Variants in DENND1B observed in about 807,000 individuals in gnomAD.
DENND1B encodes the protein DENN domain containing 1B.
DENND1B carries 59 observed loss-of-function variants against 90.1 expected under a neutral mutation model. The ratio of observed to expected loss-of-function variants is 0.65; its 90% CI spans 0.53 to 0.81. The LOEUF (loss-of-function observed/expected upper bound fraction) is 0.81. DENND1B is among the 40% of genes least tolerant of loss of function. The pLI is 0.00. For missense variants in DENND1B, 862 were observed against 912.6 expected (o/e 0.94, Z 0.71); for synonymous variants, 337 against 324.6 (o/e 1.04, Z -0.41).
At chr1:197,587,351 AC>A (rs1674791797) in intron 14 of DENND1B, among the ~76,000 whole-genome samples, 1 of 152,234 alleles carries the variant, frequency 6.6e-6, no homozygotes, top group African/African-American at 2.4e-5. Flanking sequence ...GATAATTCTG[AC>A]ATGAGAGAAA....
In DENND1B at chr1:197,621,119, G is replaced by A. The variant is rs73075669; in HGVS notation, c.673-3360C>T. Among the ~76,000 whole-genome samples, 84 of 151,382 alleles carry A rather than the reference G, an allele frequency of 5.5e-4. 1 individual carries two copies. The highest frequency in any genetic ancestry group is 1.9e-3 in the African/African-American group (78 of 41,432). On this transcript the variant is annotated intron_variant, in intron 10 of 22. Transcript: ENST00000620048. ...AGTGAGATCAGACTGGAGGAAGTGG[G>A]AGAATGGCAGGAGATGAGGTCAGAT...
At chr1:197,625,900 C>T (rs1457861381) in intron 10 of DENND1B, among the ~76,000 whole-genome samples, 2 of 152,004 alleles carry the variant, frequency 1.3e-5, no homozygotes, top group African/African-American at 2.4e-5. Context: ...TACTTTAAAC[C>T]AACAGAGATC....
rs541362093 is a variant in DENND1B, at chr1:197,646,510, T to G, written c.507+545A>C. On this transcript the variant is annotated intron_variant, in intron 8 of 22. Coordinates refer to ENST00000620048, the MANE Select transcript of DENND1B (RefSeq NM_001195215.2). Reference sequence around the variant, plus strand: ...CAAAGTGCAATTTAATCATCAAAAGTTTTATTTTCTGTTCATATTAATCTC... The same window carrying G: ...CAAAGTGCAATTTAATCATCAAAAGGTTTATTTTCTGTTCATATTAATCTC... 5.3e-5 allele frequency among the ~76,000 whole-genome samples: 8 copies of G among 151,840 alleles called. No individual in the cohort carries two copies. The East Asian group carries it at 9.6e-4, about 18-fold the overall frequency.
chr1:197,698,436 C>T (rs111773970), intron 3 of DENND1B, among the ~76,000 whole-genome samples: 108 of 152,146 alleles, frequency 7.1e-4, no homozygotes, highest in African/African-American at 2.5e-3. Flanking sequence ...AAATTTATAG[C>T]ACTAAATGGC....
intron 3 of DENND1B, among the ~76,000 whole-genome samples, chr1:197,699,455 C>G (rs1403989225): frequency 6.6e-6 from 1 of 151,974 alleles, no homozygotes; most frequent in Admixed American, 6.6e-5. Context: ...GCTAATATCA[C>G]TGAATGGGCA....
chr1:197,727,534 C>CAAAAAA (rs371522158), intron 2 of DENND1B, among the ~76,000 whole-genome samples: 1 of 110,378 alleles, frequency 9.1e-6, no homozygotes, highest in Non-Finnish European at 1.9e-5. Flanking sequence ...GACTCCTTCT[C>CAAAAAA]AAAAAAAAAA....
chr1:197,537,808 AG>A (rs1423700168), intron 20 of DENND1B, among the ~76,000 whole-genome samples: 1 of 152,006 alleles, frequency 6.6e-6, no homozygotes, highest in African/African-American at 2.4e-5. Context: ...TTTTTTTTTA[AG>A]ATCTACTTTA....
chr1:197,755,298 T>C (rs976590782), intron 2 of DENND1B, among the ~76,000 whole-genome samples: 35 of 152,098 alleles, frequency 2.3e-4, no homozygotes, highest in African/African-American at 6.0e-4. Context: ...TACCAAAAGA[T>C]AGGTATGAGA....
At chr1:197,726,737 G>C (rs1661672390) in intron 2 of DENND1B, among the ~76,000 whole-genome samples, 1 of 152,156 alleles carries the variant, frequency 6.6e-6, no homozygotes, top group Admixed American at 6.5e-5. Flanking sequence ...ATGGGATCGA[G>C]ACCCAGAAGG....
intron 10 of DENND1B, among the ~76,000 whole-genome samples, chr1:197,637,478 G>C (rs1309246813): frequency 1.1e-4 from 16 of 152,088 alleles, no homozygotes; most frequent in Admixed American, 1.0e-3. Context: ...GAAAAACAGA[G>C]CCATTATCAC....
chr1:197,726,773 A>T (rs1661677765), intron 2 of DENND1B, among the ~76,000 whole-genome samples: 2 of 152,350 alleles, frequency 1.3e-5, no homozygotes, highest in South Asian at 4.1e-4. Context: ...CAAGCTGGAA[A>T]AAAACTGATT....
intron 20 of DENND1B, among the ~76,000 whole-genome samples, chr1:197,529,658 T>G: frequency 6.6e-6 from 1 of 152,252 alleles, no homozygotes; most frequent in East Asian, 1.9e-4. Context: ...CTCAGATATA[T>G]ATAACTTTTA....
rs150130955 is a variant in DENND1B at position 197,732,686 on chromosome 1, T to C, written c.83-17612A>G. On this transcript the variant is annotated intron_variant, in intron 2 of 22. Transcript: ENST00000620048. ...CAAGAAGCCCAAGTGCATAAAACCT[T>C]AATTATTGCTCAAGATTGATATGTG... Among the ~76,000 whole-genome samples the C allele has an allele frequency of 1.7e-3, 257 of 152,256 alleles. 1 individual carries two copies. Among genetic ancestry groups the C allele is most frequent in the African/African-American group, 5.6e-3 (234 of 41,538 alleles).
At chr1:197,594,898 G>C (rs896014621) in intron 14 of DENND1B, among the ~76,000 whole-genome samples, 3 of 152,050 alleles carry the variant, frequency 2.0e-5, no homozygotes, top group Non-Finnish European at 2.9e-5. Flanking sequence ...ACAAGATCAG[G>C]TAAGTGTTTT....
chr1:197,564,533 T>C (rs561240088), intron 15 of DENND1B, among the ~76,000 whole-genome samples: 17 of 151,272 alleles, frequency 1.1e-4, no homozygotes, highest in African/African-American at 3.9e-4. Context: ...TAATAGACTA[T>C]AGGACAGTAT....
intron 2 of DENND1B, chr1:197,735,158 G>A: frequency 5.1e-6 from 5 of 986,464 alleles, no homozygotes; most frequent in Middle Eastern, 5.2e-4. Context: ...AAAGTTAACA[G>A]AAAGGTACAA....
At chr1:197,638,976 T>G (rs1680037601) in intron 10 of DENND1B, among the ~76,000 whole-genome samples, 1 of 152,156 alleles carries the variant, frequency 6.6e-6, no homozygotes, top group Non-Finnish European at 1.5e-5. Context: ...GGAGAAAACC[T>G]ATTAGAATGT....
intron 15 of DENND1B, among the ~76,000 whole-genome samples, chr1:197,554,189 T>C (rs1216184891): frequency 6.6e-6 from 1 of 151,506 alleles, no homozygotes; most frequent in Non-Finnish European, 1.5e-5. Flanking sequence ...TTTTGTTGAT[T>C]TGTGGCACCT....
chr1:197,534,588 G>C (rs1463356986), intron 20 of DENND1B, among the ~76,000 whole-genome samples: 1 of 152,154 alleles, frequency 6.6e-6, no homozygotes, highest in Admixed American at 6.5e-5. Context: ...CTTTTTGGCT[G>C]TGCAGGGAAT....
Sources: allele counts gnomAD v4.1 joint callset (sites outside exome capture counted in the v4.1 genomes callset), GRCh38; gene constraint gnomAD v4.1.1; transcripts MANE v1.5; gene names NCBI Gene and HGNC (gene_info 2026-07-23, HGNC 2026-07-21).